ASCC2: variants seen among roughly 807,000 people sequenced by gnomAD.
The protein encoded by ASCC2 is activating signal cointegrator 1 complex subunit 2.
Under a neutral mutation model 93.5 loss-of-function variants are expected in ASCC2, and 42 were observed. The ratio of observed to expected loss-of-function variants is 0.45; its 90% CI spans 0.35 to 0.58. The LOEUF (loss-of-function observed/expected upper bound fraction) is 0.58, where lower values mean the gene tolerates loss of function less well. Ranked by LOEUF, ASCC2 falls within the 20% of genes least tolerant of loss-of-function variation. ASCC2 has a pLI of 0.00. For synonymous variants in ASCC2, 364 were observed against 384.2 expected, an observed-to-expected ratio of 0.95 and a Z score of 0.62; for missense variants, 859 against 977.6, an observed-to-expected ratio of 0.88 and a Z score of 1.62.
rs141473194 is a variant in ASCC2 at position 29,814,744 on chromosome 22, G to A, written c.633C>T (p.His211=). 31 of 1,610,612 alleles carry A rather than the reference G, an allele frequency of 1.9e-5. No individual in the cohort carries two copies. The highest frequency in any genetic ancestry group is 2.4e-5 in the Non-Finnish European group (28 of 1,178,580). Reference sequence around the variant, plus strand: ...TGGCCCCGTCCCCTTGCAAACCACAGTGCTGGAGGATATTGCTGAAGACCT... The same window carrying A: ...TGGCCCCGTCCCCTTGCAAACCACAATGCTGGAGGATATTGCTGAAGACCT... The part of the protein sequence containing the change: ...ILQVFSNILQ[H]CGLQGDGANT... The change falls in exon 7 of 20, where the codon CAC becomes CAT. Residue 211 remains histidine (H), a synonymous_variant. Coordinates refer to ENST00000307790, the MANE Select transcript of ASCC2 (RefSeq NM_032204.5).
chr22:29,809,180 C>A (rs1223753295), intron 8 of ASCC2, among the ~76,000 whole-genome samples: 3 of 149,226 alleles, frequency 2.0e-5, no homozygotes, highest in African/African-American at 7.4e-5. Context: ...TGTATTTGGT[C>A]AAAATAGGCT....
intron 15 of ASCC2, among the ~76,000 whole-genome samples, chr22:29,798,610 G>A (rs561359507): frequency 7.9e-5 from 12 of 152,336 alleles, no homozygotes; most frequent in African/African-American, 2.9e-4. Context: ...ACTGAGTACA[G>A]CCTATCTGAT....
chr22:29,793,594 T>C lies in ASCC2; in HGVS notation c.1771A>G (p.Ser591Gly). The C allele has an allele frequency of 1.9e-6, 3 of 1,612,114 alleles. No homozygotes were observed. The East Asian group carries it at 6.7e-5, about 36-fold the overall frequency. Residue 591 changes from serine to glycine, a missense_variant, in exon 16 of 20, where the codon AGC becomes GGC. Ser to Gly is a moderately conservative substitution (Grantham distance 56, BLOSUM62 0). Coordinates refer to ENST00000307790, the MANE Select transcript of ASCC2 (RefSeq NM_032204.5). ...TGGCCTACCTCCTCCACCACCACGC[T>C]GTACTGCTCGTAGCGCTGCCGCTGT... ...AAQRQRYEQY[S>G]VVVEEVPLQP...
chr22:29,832,320 T>TG lies in ASCC2; in HGVS notation c.5dup (p.Ala3SerfsTer43). The TG allele has an allele frequency of 6.2e-7, 1 of 1,613,654 alleles. No individual in the cohort carries two copies. Among genetic ancestry groups the TG allele is most frequent in the Non-Finnish European group, 8.5e-7 (1 of 1,179,666 alleles). On this transcript the variant is annotated frameshift_variant, in exon 2 of 20. Transcript: ENST00000307790. LOFTEE classifies it high-confidence loss of function. The stretch of plus-strand genomic sequence containing the variant: ...TCTGGAGTTGGTCCAGGGGCAGAGC[T>TG]GGCATTGTGCTGCGTGACCCTCCTG...
intron 7 of ASCC2, among the ~76,000 whole-genome samples, chr22:29,813,765 T>C (rs536127506): frequency 1.3e-5 from 2 of 152,286 alleles, no homozygotes; most frequent in East Asian, 3.9e-4. Context: ...ATTACTCCAA[T>C]GGCCTTACAC....
In ASCC2 at chr22:29,814,696, C is replaced by T; in HGVS notation, c.681G>A (p.Glu227=). 1 of 1,607,362 alleles carries T rather than the reference C, an allele frequency of 6.2e-7. No individual in the cohort carries two copies. Among genetic ancestry groups the T allele is most frequent in the Non-Finnish European group, 8.5e-7 (1 of 1,177,392 alleles). ...DGANTTPQKL[E]ERGRLTPSDM... ...CACTGGGGGTCAATCGGCCCCTCTC[C>T]TCAAGCTTCTGGGGTGTGGTATTGG... The change falls in exon 7 of 20, where the codon GAG becomes GAA. Residue 227 remains glutamate (E), a synonymous_variant. Transcript: ENST00000307790.
chr22:29,824,845 C>T lies in ASCC2; in HGVS notation c.411+242G>A, dbSNP rs17711508. Among the ~76,000 whole-genome samples, 9,337 of 152,200 alleles carry T rather than the reference C, an allele frequency of 0.061. 317 individuals carry two copies. Among genetic ancestry groups the T allele is most frequent in the South Asian group, 0.099 (476 of 4,826 alleles). On this transcript the variant is annotated intron_variant, in intron 4 of 19. Coordinates refer to ENST00000307790, the MANE Select transcript of ASCC2 (RefSeq NM_032204.5). ...TGACGCACAAGTCAAGGCAGTCACG[C>T]GTCAGCTGGCAAAGGGCCCTCGGCT...
chr22:29,789,434 C>T (rs1014757608), intron 19 of ASCC2, among the ~76,000 whole-genome samples: 17 of 152,306 alleles, frequency 1.1e-4, no homozygotes, highest in South Asian at 6.2e-4. Context: ...CTACGTGTAG[C>T]GGAGGAACAG....
Position 29,793,571 on chromosome 22 carries a change from G to A in ASCC2, c.1788+6C>T. 6.2e-7 allele frequency: 1 copy of A among 1,612,988 alleles called. No homozygotes were observed. Among genetic ancestry groups the A allele is most frequent in the Non-Finnish European group, 8.5e-7 (1 of 1,179,676 alleles). ...GCCCAGCAGAGACCTGGCCTTGGTG[G>A]CCTACCTCCTCCACCACCACGCTGT... On this transcript the variant is annotated splice_donor_region_variant and intron_variant, in intron 16 of 19. Coordinates refer to ENST00000307790, the MANE Select transcript of ASCC2 (RefSeq NM_032204.5).
At chr22:29,793,967 C>T (rs372732584) in intron 15 of ASCC2, among the ~76,000 whole-genome samples, 5 of 151,400 alleles carry the variant, frequency 3.3e-5, no homozygotes, top group Non-Finnish European at 7.4e-5. Context: ...GGCACGATCT[C>T]GGCTCACTGC....
chr22:29,831,227 G>T (rs1055080983), intron 2 of ASCC2, among the ~76,000 whole-genome samples: 5 of 152,112 alleles, frequency 3.3e-5, no homozygotes. Context: ...ACATAAAAAG[G>T]TTATAAAAAG....
At position 29,825,478 on chromosome 22, in the gene ASCC2, C is replaced by G. The variant is rs1799202036; in HGVS notation, c.240+144G>C. 8.1e-7 allele frequency: 1 copy of G among 1,240,336 alleles called. No homozygotes were observed. The highest frequency in any genetic ancestry group is 1.5e-5 in the African/African-American group (1 of 66,930). 76.8% of individuals were successfully genotyped at this position (1,240,336 alleles called of 1,614,324 possible). A position where few individuals can be genotyped will look rare whatever the true frequency, so the allele number is the denominator to read the frequency against. On this transcript the variant is annotated intron_variant, in intron 3 of 19. Coordinates refer to ENST00000307790, the MANE Select transcript of ASCC2 (RefSeq NM_032204.5). The surrounding 1 kb of genome is among the most constrained non-coding windows in gnomAD (Gnocchi z 4.9). ...ATTAAGATTGTGATACAAGACAGAG[C>G]AATCCGAACCACAATTTGCTGTTAA...
intron 8 of ASCC2, among the ~76,000 whole-genome samples, chr22:29,810,950 C>T (rs958493127): frequency 5.3e-5 from 8 of 152,134 alleles, no homozygotes; most frequent in Admixed American, 2.0e-4. Context: ...AGGCTGGTCT[C>T]GAACTCCTGA....
rs1226920215 is a variant in ASCC2 at position 29,802,016 on chromosome 22, G to A, written c.1546C>T (p.Gln516Ter). 6.2e-7 allele frequency: 1 copy of A among 1,603,938 alleles called. No individual in the cohort carries two copies. Among genetic ancestry groups the A allele is most frequent in the Non-Finnish European group, 8.5e-7 (1 of 1,174,848 alleles). The change falls in exon 14 of 20, where the codon CAG becomes TAG. Residue 516 changes from glutamine (Q) to a stop codon, truncating the protein, a stop_gained. Coordinates refer to ENST00000307790, the MANE Select transcript of ASCC2 (RefSeq NM_032204.5). LOFTEE classifies it high-confidence loss of function. ...CACCTGTCTAGGTTGCGGTCCAGCT[G>A]GCTGAGGGTGGGGGCCAGCCGCTCC... Reference protein sequence around the residue: ...LEERLAPTLSQLDRNLDREMK... With the variant: ...LEERLAPTLS
At chr22:29,835,779 G>A (rs1212327075) in intron 1 of ASCC2, among the ~76,000 whole-genome samples, 2 of 152,132 alleles carry the variant, frequency 1.3e-5, no homozygotes, top group Non-Finnish European at 1.5e-5. Flanking sequence ...TGGGCTTCCT[G>A]GTTTATTCAG....
chr22:29,822,408 A>T lies in ASCC2; in HGVS notation c.468T>A (p.Phe156Leu). 6.2e-7 allele frequency: 1 copy of T among 1,614,046 alleles called. No individual in the cohort carries two copies. The highest frequency in any genetic ancestry group is 8.5e-7 in the Non-Finnish European group (1 of 1,179,978). The change falls in exon 5 of 20, where the codon TTT becomes TTA. Residue 156 changes from phenylalanine (F) to leucine (L), a missense_variant. By Grantham distance (22) the Phe-to-Leu change is conservative. Transcript: ENST00000307790. ...AGAGGTCCAGGATCTTTGGAATGTC[A>T]AAGAGGAAGTTATTGTAGAGGATTT... ...FGEILYNNFL[F>L]DIPKILDLCV...
chr22:29,809,876 G>A (rs1166249691), intron 8 of ASCC2: 1 of 151,660 alleles, frequency 6.6e-6, no homozygotes, highest in African/African-American at 2.4e-5. Flanking sequence ...AAGAAAAACA[G>A]CTGCTAGCAG....
At position 29,830,437 on chromosome 22, in the gene ASCC2, C is replaced by T. The variant is rs146128903; in HGVS notation, c.81+1808G>A. ...AGGATCTCTCAAGACTCCAGAACTG[C>T]ATACTAAGGTTGTCCTACCAGGTCC... On this transcript the variant is annotated intron_variant, in intron 2 of 19. Transcript: ENST00000307790. Among the ~76,000 whole-genome samples, 11 of 152,340 alleles carry T rather than the reference C, an allele frequency of 7.2e-5. No homozygotes were observed. The East Asian group carries it at 2.1e-3, about 29-fold the overall frequency.
chr22:29,834,404 T>C, intron 1 of ASCC2: 1 of 436,050 alleles, frequency 2.3e-6, no homozygotes, highest in South Asian at 1.7e-5. Context: ...CAAGGAACCT[T>C]GGTTCTGGCC....
Sources: allele counts gnomAD v4.1 joint callset (sites outside exome capture counted in the v4.1 genomes callset), GRCh38; gene constraint gnomAD v4.1.1; non-coding constraint Gnocchi (gnomAD v3.1); transcripts MANE v1.5; gene names NCBI Gene and HGNC (gene_info 2026-07-23, HGNC 2026-07-21).